The following CEP112 variants were observed in gnomAD, a reference collection of about 807,000 sequenced individuals.
The protein encoded by CEP112 is centrosomal protein 112.
Under a neutral mutation model 153.0 loss-of-function variants are expected in CEP112, and 127 were observed. The observed-to-expected ratio is 0.83, with a 90% confidence interval of 0.72 to 0.96. The LOEUF (loss-of-function observed/expected upper bound fraction) is 0.96, where lower values mean the gene tolerates loss of function less well. Among genes scored for constraint, CEP112 ranks in the 40% least tolerant of loss-of-function variants. The pLI is 0.00. For missense variants in CEP112, 1,089 were observed against 1,101.2 expected, an observed-to-expected ratio of 0.99 and a Z score of 0.16; for synonymous variants, 358 against 374.4, an observed-to-expected ratio of 0.96 and a Z score of 0.51.
intron 16 of CEP112, among the ~76,000 whole-genome samples, chr17:66,023,623 A>G (rs1596317): frequency 0.51 from 78,214 of 151,932 alleles, 21,063 homozygotes; most frequent in African/African-American, 0.59. Context: ...AACACATTTA[A>G]GTATAAAACT....
At chr17:66,038,411 C>G (rs2065834506) in intron 12 of CEP112, among the ~76,000 whole-genome samples, 1 of 151,594 alleles carries the variant, frequency 6.6e-6, no homozygotes, top group African/African-American at 2.4e-5. Context: ...ATTTTACACA[C>G]AAAGTACATA....
At chr17:66,126,418 T>G (rs1371111191) in intron 6 of CEP112, among the ~76,000 whole-genome samples, 1 of 152,096 alleles carries the variant, frequency 6.6e-6, no homozygotes, top group Non-Finnish European at 1.5e-5. Flanking sequence ...CACGAGTCAC[T>G]AAAGGGAGAA....
At chr17:65,726,036 C>T (rs541671027) in intron 23 of CEP112, among the ~76,000 whole-genome samples, 47 of 152,110 alleles carry the variant, frequency 3.1e-4, no homozygotes, top group East Asian at 1.2e-3. Context: ...TATGAAGAAA[C>T]GAAAAGTGTG....
At chr17:66,147,829 G>T (rs150765103) in intron 4 of CEP112, among the ~76,000 whole-genome samples, 58 of 152,218 alleles carry the variant, frequency 3.8e-4, no homozygotes, top group African/African-American at 1.4e-3. Context: ...ATATGTCAGG[G>T]TTTATTTCTG....
At chr17:66,187,339 A>G (rs2072976341) in intron 1 of CEP112, among the ~76,000 whole-genome samples, 1 of 151,984 alleles carries the variant, frequency 6.6e-6, no homozygotes, top group Non-Finnish European at 1.5e-5. Flanking sequence ...CACTTCATCA[A>G]CTTCTATCCA....
At chr17:66,172,481 C>T (rs1329047091) in intron 4 of CEP112, among the ~76,000 whole-genome samples, 1 of 152,164 alleles carries the variant, frequency 6.6e-6, no homozygotes, top group East Asian at 1.9e-4. Flanking sequence ...CATACTCTAG[C>T]AATCCTTTTG....
At chr17:66,112,769 C>T (rs767494462) in intron 6 of CEP112, among the ~76,000 whole-genome samples, 1 of 152,162 alleles carries the variant, frequency 6.6e-6, no homozygotes. Context: ...CATGGCAAAA[C>T]CCTGTCTCTA....
intron 24 of CEP112, among the ~76,000 whole-genome samples, chr17:65,654,331 T>G (rs1482050463): frequency 7.2e-5 from 11 of 152,204 alleles, no homozygotes; most frequent in Admixed American, 7.2e-4. Context: ...CTTAAAAATA[T>G]TCATTTCCCG....
chr17:65,848,512 C>T (rs2057806748), intron 21 of CEP112, among the ~76,000 whole-genome samples: 1 of 152,144 alleles, frequency 6.6e-6, no homozygotes, highest in African/African-American at 2.4e-5. Flanking sequence ...TGGAGCTGTA[C>T]CCCTAAGTTC....
chr17:65,679,129 CTTTTTTTTTTTTTTTTTTTTTT>C (rs57907674), intron 24 of CEP112, among the ~76,000 whole-genome samples: 48 of 31,626 alleles, frequency 1.5e-3, no homozygotes, highest in African/African-American at 2.7e-3. Context: ...GTGGTTCAAG[CTTTTTTTTTTTTTTTTTTTTTT>C]TTTTTTTTTT....
At chr17:65,827,588 TAA>T (rs371081343) in intron 21 of CEP112, among the ~76,000 whole-genome samples, 7 of 152,182 alleles carry the variant, frequency 4.6e-5, no homozygotes, top group African/African-American at 1.7e-4. Context: ...TTTTAAAGCC[TAA>T]GTCAGATCAT....
chr17:66,050,558 T>C (rs1456038492), intron 12 of CEP112, among the ~76,000 whole-genome samples: 1 of 152,234 alleles, frequency 6.6e-6, no homozygotes, highest in African/African-American at 2.4e-5. Flanking sequence ...TTTGGTCATT[T>C]TTTATTTTAT....
At chr17:65,662,021 T>C (rs1178729246) in intron 24 of CEP112, among the ~76,000 whole-genome samples, 1 of 152,082 alleles carries the variant, frequency 6.6e-6, no homozygotes, top group Non-Finnish European at 1.5e-5. Flanking sequence ...CAGGCTAGAG[T>C]GCAGTGACGC....
chr17:66,130,574 G>C (rs918283409), intron 5 of CEP112, among the ~76,000 whole-genome samples: 1 of 151,974 alleles, frequency 6.6e-6, no homozygotes, highest in Non-Finnish European at 1.5e-5. Context: ...AGGAGATCAA[G>C]ACCATCCTGG....
intron 20 of CEP112, among the ~76,000 whole-genome samples, chr17:65,856,654 T>C (rs1218220048): frequency 6.6e-6 from 1 of 152,196 alleles, no homozygotes; most frequent in African/African-American, 2.4e-5. Context: ...CTTGGATATA[T>C]TGCATAGTGG....
chr17:66,028,473 G>A (rs1311945007), intron 14 of CEP112, 68 bp from the exon 15 acceptor site: 14 of 802,040 alleles, frequency 1.7e-5, no homozygotes, highest in Middle Eastern at 2.6e-4. Context: ...CTTTCTGATT[G>A]AAAAAATATG....
Position 65,880,173 on chromosome 17 carries a change from T to C in CEP112, c.2163+21979A>G, listed in dbSNP as rs2059010336. 3.3e-5 allele frequency among the ~76,000 whole-genome samples: 5 copies of C among 152,338 alleles called. No homozygotes were observed. In the South Asian group the frequency reaches 1.0e-3, roughly 32 times the overall value. ...GTTGATTTTGTATACAGAATTGATTTTATATCTAGTTATTTTGCCTAATTG... is the reference window on the plus strand; with the variant it reads ...GTTGATTTTGTATACAGAATTGATTCTATATCTAGTTATTTTGCCTAATTG... On this transcript the variant is annotated intron_variant, in intron 20 of 26. Coordinates refer to ENST00000535342, the MANE Select transcript of CEP112 (RefSeq NM_001199165.4).
At position 65,826,018 on chromosome 17, in the gene CEP112, T is replaced by C. The variant is rs143472634; in HGVS notation, c.2394+25786A>G. 3.7e-4 allele frequency: 352 copies of C among 949,662 alleles called. 3 individuals carry two copies. The East Asian group carries it at 7.0e-3, about 19-fold the overall frequency. 58.8% of individuals were successfully genotyped at this position (949,662 alleles called of 1,614,324 possible). On this transcript the variant is annotated intron_variant, in intron 21 of 26. Coordinates refer to ENST00000535342, the MANE Select transcript of CEP112 (RefSeq NM_001199165.4). ...TGATTGCAGTTTGTTCCATCATCCC[T>C]GCCCTATCAAAATTCATCTCCTTGA...
intron 24 of CEP112, among the ~76,000 whole-genome samples, chr17:65,685,762 T>G (rs2047753955): frequency 7.4e-6 from 1 of 135,538 alleles, no homozygotes; most frequent in African/African-American, 2.8e-5. Context: ...AACCTCCACC[T>G]CCCAGGTTCA....
Sources: gnomAD v4.1 joint callset for allele counts (sites outside exome capture counted in the v4.1 genomes callset) on GRCh38, gnomAD v4.1.1 for gene constraint, MANE v1.5 for transcripts, NCBI Gene and HGNC (gene_info 2026-07-23, HGNC 2026-07-21) for gene names.